The following ARHGAP29 variants were observed in gnomAD, a reference collection of about 807,000 sequenced individuals.
ARHGAP29 encodes the protein rho GTPase-activating protein 29.
In ARHGAP29, 43 loss-of-function variants were observed where a neutral mutation model predicts 122.6. That is an observed-to-expected ratio of 0.35 (90% CI 0.27 to 0.45). ARHGAP29 has a LOEUF of 0.45. Ranked by LOEUF, ARHGAP29 falls within the 20% of genes least tolerant of loss-of-function variation. The pLI, the probability that ARHGAP29 is intolerant of heterozygous loss-of-function variation, is 1.00. For synonymous variants in ARHGAP29, 506 were observed against 497.1 expected (o/e 1.02, Z -0.24); for missense variants, 1,303 against 1,477.2 (o/e 0.88, Z 1.93).
At chr1:94,190,107 A>G in intron 12 of ARHGAP29, 24 bp from the exon 13 acceptor site, 1 of 1,609,366 alleles carries the variant, frequency 6.2e-7, no homozygotes, top group Non-Finnish European at 8.5e-7. Flanking sequence ...GACAAAAGGC[A>G]GAGTAACTCA....
At chr1:94,282,130 A>G in the ARHGAP29 span, among the ~76,000 whole-genome samples, 35,300 of 151,820 alleles carry the variant, frequency 0.23, 4,337 homozygotes, top group East Asian at 0.46. Context: ...CCTGGGCCCT[A>G]TCACCCAGAA....
At position 94,253,631 on chromosome 1, in the gene ARHGAP29, AAC is replaced by A. The variant is rs201347761; in HGVS notation, c.-33+21379_-33+21380del. Among the ~76,000 whole-genome samples, 10 of 132,852 alleles carry A rather than the reference AAC, an allele frequency of 7.5e-5. 1 individual carries two copies. Among genetic ancestry groups the A allele is most frequent in the African/African-American group, 1.1e-4 (4 of 36,150 alleles). 87.2% of individuals were successfully genotyped at this position (132,852 alleles called of 152,430 possible). On this transcript the variant is annotated intron_variant and NMD_transcript_variant, in intron 1 of 25. Transcript: ENST00000552844. ...TAGGAAGTTGTCCGCAGGCATCTGG[AAC>A]ACACACGCACGCACGCACGCACGCA...
rs908545025 is a variant in ARHGAP29, at chr1:94,171,313, A to T, written c.*2556T>A. 6.6e-6 allele frequency among the ~76,000 whole-genome samples: 1 copy of T among 152,212 alleles called. No individual in the cohort carries two copies. The highest frequency in any genetic ancestry group is 2.4e-5 in the African/African-American group (1 of 41,450). On this transcript the variant is annotated 3_prime_UTR_variant, in exon 23 of 23. Transcript: ENST00000260526. ...ACACTGCCTAAGGTACACTAAAAGT[A>T]ATTTAACATACTGTACTCATAAATT...
rs916725895 is a variant in ARHGAP29, at chr1:94,244,204, C to T, written c.-32-12561G>A. ...TACCAAAACCAGACAAAGACATTAC[C>T]AAAAAAAAAAACCACACACAAAAAA... On this transcript the variant is annotated intron_variant and NMD_transcript_variant, in intron 1 of 25. Transcript: ENST00000552844. 4.4e-5 allele frequency among the ~76,000 whole-genome samples: 6 copies of T among 137,868 alleles called. No individual in the cohort carries two copies. The Admixed American group carries it at 4.4e-4, about 10-fold the overall frequency. 90.4% of individuals were successfully genotyped at this position (137,868 alleles called of 152,430 possible). A position where few individuals can be genotyped will look rare whatever the true frequency, so the allele number is the denominator to read the frequency against.
At chr1:94,186,464 G>T in intron 16 of ARHGAP29, 35 bp downstream of exon 16, 1 of 1,442,526 alleles carries the variant, frequency 6.9e-7, no homozygotes, top group South Asian at 1.2e-5. Flanking sequence ...TGATTGAGCT[G>T]GTTTAGTGGG....
the ARHGAP29 span, among the ~76,000 whole-genome samples, chr1:94,298,726 A>G: frequency 2.0e-5 from 3 of 152,258 alleles, no homozygotes; most frequent in African/African-American, 4.8e-5. Context: ...AAATAGAAAG[A>G]TGGAAAAGTA....
chr1:94,236,454 G>C (rs1225480921), intron 1 of ARHGAP29, among the ~76,000 whole-genome samples: 1 of 152,064 alleles, frequency 6.6e-6, no homozygotes, highest in Non-Finnish European at 1.5e-5. Flanking sequence ...TGGTAACGAC[G>C]GACAAAAGAT....
At chr1:94,202,519 A>C in intron 11 of ARHGAP29, 25 bp downstream of exon 11, 1 of 1,611,298 alleles carries the variant, frequency 6.2e-7, no homozygotes. Flanking sequence ...TTCAACTTGC[A>C]AATAAAAAAG....
chr1:94,292,172 A>T, the ARHGAP29 span, among the ~76,000 whole-genome samples: 1 of 151,684 alleles, frequency 6.6e-6, no homozygotes, highest in South Asian at 2.1e-4. Flanking sequence ...TTTTTCTCTA[A>T]TCTTGTCTTC....
chr1:94,229,677 A>C (rs1345521657), intron 2 of ARHGAP29, among the ~76,000 whole-genome samples: 1 of 151,686 alleles, frequency 6.6e-6, no homozygotes, highest in Non-Finnish European at 1.5e-5. Context: ...ATTTCAGTGT[A>C]TGTATTTCCA....
chr1:94,295,355 G>C, the ARHGAP29 span, among the ~76,000 whole-genome samples: 1 of 152,150 alleles, frequency 6.6e-6, no homozygotes, highest in East Asian at 1.9e-4. Context: ...GCTGCCTAGA[G>C]AAGGAAATAA....
At chr1:94,192,837 A>C (rs1417404612) in intron 12 of ARHGAP29, 1 of 152,192 alleles carries the variant, frequency 6.6e-6, no homozygotes, top group African/African-American at 2.4e-5. Flanking sequence ...TTAATGCTCA[A>C]TATAGGTTAT....
At chr1:94,269,593 A>G (rs1465038988) in intron 1 of ARHGAP29, among the ~76,000 whole-genome samples, 1 of 131,878 alleles carries the variant, frequency 7.6e-6, no homozygotes, top group East Asian at 2.2e-4. Flanking sequence ...TATTTTAATA[A>G]CAATGATGGT....
Position 94,177,657 on chromosome 1 carries a change from C to T in ARHGAP29, c.2860G>A (p.Glu954Lys). The T allele has an allele frequency of 6.2e-7, 1 of 1,613,506 alleles. No homozygotes were observed. The highest frequency in any genetic ancestry group is 1.1e-5 in the South Asian group (1 of 90,966). The part of the protein sequence containing the change: ...FERATSFEES[E>K]RKQNALGKCD... ...TTTCCTAACGCATTTTGCTTGCGTT[C>T]TGATTCCTCAAATGATGTAGCTCGT... The change falls in exon 22 of 23, where the codon GAA becomes AAA. Residue 954 changes from glutamate to lysine, a missense_variant. Around this residue, in one of 3 missense-constraint regions of ARHGAP29, gnomAD observed 620 missense variants for 651.2 expected, o/e 0.95. Coordinates refer to ENST00000260526, the MANE Select transcript of ARHGAP29 (RefSeq NM_004815.4).
chr1:94,262,765 G>T (rs1324409688), intron 1 of ARHGAP29, among the ~76,000 whole-genome samples: 1 of 152,202 alleles, frequency 6.6e-6, no homozygotes, highest in Non-Finnish European at 1.5e-5. Flanking sequence ...ATGCTGGCAA[G>T]GTTGCGGAGA....
intron 2 of ARHGAP29, among the ~76,000 whole-genome samples, chr1:94,220,662 T>C (rs1652239264): frequency 6.6e-6 from 1 of 152,184 alleles, no homozygotes; most frequent in South Asian, 2.1e-4. Context: ...TCAATCTTAA[T>C]ATGTGCTCCA....
the ARHGAP29 span, among the ~76,000 whole-genome samples, chr1:94,289,441 G>A: frequency 6.6e-6 from 1 of 152,108 alleles, no homozygotes; most frequent in Non-Finnish European, 1.5e-5. Context: ...GCAAAGGCAG[G>A]GACAGTTTGA....
intron 2 of ARHGAP29, among the ~76,000 whole-genome samples, chr1:94,221,613 A>C (rs1294493583): frequency 6.6e-6 from 1 of 150,710 alleles, no homozygotes; most frequent in Non-Finnish European, 1.5e-5. Flanking sequence ...TTGTGTATAT[A>C]CTTAAATATA....
At chr1:94,289,862 A>G in the ARHGAP29 span, among the ~76,000 whole-genome samples, 1 of 152,158 alleles carries the variant, frequency 6.6e-6, no homozygotes, top group South Asian at 2.1e-4. Flanking sequence ...GTGGTGGATA[A>G]GCTTTTTGAT....
Sources: allele counts gnomAD v4.1 joint callset (sites outside exome capture counted in the v4.1 genomes callset), GRCh38; gene constraint gnomAD v4.1.1; regional missense constraint gnomAD v4.1.1; transcripts MANE v1.5; gene names NCBI Gene and HGNC (gene_info 2026-07-23, HGNC 2026-07-21).